Variants in LAMA5 observed in about 807,000 individuals in gnomAD.
LAMA5 encodes the protein laminin subunit alpha-5.
In LAMA5, 260 loss-of-function variants were observed where a neutral mutation model predicts 433.4. The observed-to-expected ratio is 0.60, with a 90% confidence interval of 0.54 to 0.66. The LOEUF (loss-of-function observed/expected upper bound fraction) is 0.66. Ranked by LOEUF, LAMA5 falls within the 30% of genes least tolerant of loss-of-function variation. The pLI, the probability that LAMA5 is intolerant of heterozygous loss-of-function variation, is 0.00. For synonymous variants in LAMA5, 2,620 were observed against 2,226.6 expected (o/e 1.18, Z -4.97); for missense variants, 5,378 against 5,258.5 (o/e 1.02, Z -0.70).
chr20:62,318,707 CT>C (rs752208120), intron 52 of LAMA5, 57 bp from the exon 53 acceptor site: 516 of 1,585,624 alleles, frequency 3.3e-4, no homozygotes, highest in Non-Finnish European at 3.6e-4. Flanking sequence ...TTCATGACCC[CT>C]GGTCTCCACT....
intron 20 of LAMA5, 137 bp from the exon 21 acceptor site, chr20:62,334,758 C>CGAGGGA: frequency 1.9e-6 from 1 of 519,438 alleles, no homozygotes; most frequent in East Asian, 3.1e-5. Context: ...GGGCTCAGGG[C>CGAGGGA]GAGGGCGAGG....
intron 48 of LAMA5, among the ~76,000 whole-genome samples, chr20:62,321,790 G>T (rs1164014414): frequency 3.4e-5 from 5 of 148,612 alleles, no homozygotes; most frequent in African/African-American, 1.2e-4. Flanking sequence ...AGCAGATGGG[G>T]TGGGGCCAGG....
chr20:62,319,236 T>G, intron 51 of LAMA5: 1 of 566,082 alleles, frequency 1.8e-6, no homozygotes, highest in East Asian at 3.0e-5. Context: ...GACACCAGTC[T>G]GCTCAGCCAG....
intron 35 of LAMA5, 110 bp downstream of exon 35, chr20:62,328,131 C>A: frequency 6.6e-7 from 1 of 1,515,864 alleles, no homozygotes; most frequent in South Asian, 1.2e-5. Context: ...GGCGCTGCTG[C>A]ACCCAGGGAG....
At chr20:62,357,871 C>G (rs572943848) in intron 2 of LAMA5, among the ~76,000 whole-genome samples, 191 of 152,294 alleles carry the variant, frequency 1.3e-3, no homozygotes, top group Non-Finnish European at 1.7e-3. Context: ...GATTCAGGGA[C>G]CCCAACCACT....
chr20:62,365,420 C>G (rs548508322), intron 1 of LAMA5, among the ~76,000 whole-genome samples: 3 of 152,350 alleles, frequency 2.0e-5, no homozygotes, highest in East Asian at 1.9e-4. Context: ...CCTTTACTCA[C>G]GAGACGGGGG....
intron 40 of LAMA5, 84 bp from the exon 41 acceptor site, chr20:62,325,630 G>A: frequency 2.3e-6 from 2 of 851,782 alleles, no homozygotes; most frequent in Non-Finnish European, 3.6e-6. Flanking sequence ...CAACCCTGTA[G>A]GGGATGGAGG....
chr20:62,334,835 C>T (rs557983932), intron 20 of LAMA5, among the ~76,000 whole-genome samples, 186 bp downstream of exon 20: 7 of 145,830 alleles, frequency 4.8e-5, no homozygotes, highest in Non-Finnish European at 9.3e-5. Context: ...GAGAGGAAGC[C>T]ACGCATCTGG....
intron 1 of LAMA5, among the ~76,000 whole-genome samples, chr20:62,365,714 C>T (rs1986646646): frequency 1.3e-5 from 2 of 152,192 alleles, no homozygotes; most frequent in African/African-American, 4.8e-5. Flanking sequence ...ACAGCTAACC[C>T]CCGCTGGACC....
chr20:62,319,429 C>A, intron 51 of LAMA5, among the ~76,000 whole-genome samples: 1 of 152,102 alleles, frequency 6.6e-6, no homozygotes, highest in East Asian at 1.9e-4. Context: ...TATCTGTGAG[C>A]GCGAACATCT....
Position 62,311,940 on chromosome 20 carries a change from G to A in LAMA5, c.9615C>T (p.Ala3205=). The A allele has an allele frequency of 6.2e-7, 1 of 1,612,172 alleles. No homozygotes were observed. Among genetic ancestry groups the A allele is most frequent in the Non-Finnish European group, 8.5e-7 (1 of 1,179,662 alleles). Residue 3205 remains alanine (A), a synonymous_variant, in exon 70 of 80, where the codon GCC becomes GCT. Coordinates refer to ENST00000252999, the MANE Select transcript of LAMA5 (RefSeq NM_005560.6). ...GFADGAPHYV[A]FYSNATGVWL... Reference sequence around the variant, plus strand: ...CTCACCCCGTGGCATTGCTGTAGAAGGCGACGTAATGGGGGGCACCATCGG... The same window carrying A: ...CTCACCCCGTGGCATTGCTGTAGAAAGCGACGTAATGGGGGGCACCATCGG...
In LAMA5 at chr20:62,314,811, C is replaced by T. The variant is rs781316426; in HGVS notation, c.8184G>A (p.Gly2728=). The T allele has an allele frequency of 5.6e-6, 9 of 1,612,916 alleles. No homozygotes were observed. Among genetic ancestry groups the T allele is most frequent in the South Asian group, 5.5e-5 (5 of 91,082 alleles). ...RVRELIAQAR[G]AASKVKVPMK... is the part of the protein sequence containing the mutation. ...GACTCTCACCCACCTTACTGGCAGC[C>T]CCCCGGGCCTGGGCAATGAGCTCTC... Residue 2728 remains glycine (G), a synonymous_variant, in exon 60 of 80, where the codon GGG becomes GGA. Transcript: ENST00000252999.
intron 40 of LAMA5, chr20:62,326,347 G>A (rs868502458): frequency 1.2e-5 from 3 of 253,866 alleles, no homozygotes; most frequent in African/African-American, 2.2e-5. Flanking sequence ...CTAAAAGGAT[G>A]GAAAAAGATT....
chr20:62,326,284 G>A (rs964907068), intron 40 of LAMA5, among the ~76,000 whole-genome samples: 1 of 151,536 alleles, frequency 6.6e-6, no homozygotes, highest in Non-Finnish European at 1.5e-5. Flanking sequence ...GGGAGAAGAC[G>A]GTTGTTACTC....
Position 62,312,765 on chromosome 20 carries a change from G to T in LAMA5, c.9094C>A (p.Leu3032Met), listed in dbSNP as rs762080901. The T allele has an allele frequency of 8.8e-6, 14 of 1,590,158 alleles. No homozygotes were observed. Among genetic ancestry groups the T allele is most frequent in the Middle Eastern group, 1.7e-4 (1 of 6,038 alleles). ...SASKAIQVFLLGGSRKRVLVR... is the reference protein window; with the variant it reads ...SASKAIQVFLMGGSRKRVLVR... ...AGCACACGCTTGCGGCTGCCCCCCA[G>T]CAGGAACACCTGGATCTACAGGACC... The change falls in exon 67 of 80, where the codon CTG becomes ATG. Residue 3032 changes from leucine (L) to methionine (M), a missense_variant. Leu to Met is a conservative substitution (Grantham distance 15). Coordinates refer to ENST00000252999, the MANE Select transcript of LAMA5 (RefSeq NM_005560.6).
chr20:62,310,243 G>C lies in LAMA5; in HGVS notation c.10669C>G (p.Leu3557Val). The C allele has an allele frequency of 6.2e-7, 1 of 1,612,530 alleles. No homozygotes were observed. Among genetic ancestry groups the C allele is most frequent in the Non-Finnish European group, 8.5e-7 (1 of 1,179,896 alleles). Residue 3557 changes from leucine (L) to valine (V), a missense_variant, in exon 77 of 80, where the codon CTG becomes GTG. Transcript: ENST00000252999. ...CGGGCCTGGCCCAAGTGGAAGATCA[G>C]TCCGGTGACTGCCAGGGGCCGCACC... ...LEVRPLAVTGLIFHLGQARTP... is the reference protein window; with the variant it reads ...LEVRPLAVTGVIFHLGQARTP...
chr20:62,336,772 G>C lies in LAMA5; in HGVS notation c.2179C>G (p.Pro727Ala). The C allele has an allele frequency of 3.7e-6, 6 of 1,612,860 alleles. No individual in the cohort carries two copies. The highest frequency in any genetic ancestry group is 5.1e-6 in the Non-Finnish European group (6 of 1,179,978). Residue 727 changes from proline to alanine, a missense_variant, in exon 17 of 80, where the codon CCT becomes GCT. Pro to Ala is a conservative substitution (Grantham distance 27). Coordinates refer to ENST00000252999, the MANE Select transcript of LAMA5 (RefSeq NM_005560.6). ...GGATCCACTGGGGCCAGACCGGCAG[G>C]GTGGCAAGAGCCAGCTGTGAAGAGA... ...FPYCEAGSCH[P>A]AGLAPVDPAL...
At position 62,329,912 on chromosome 20, in the gene LAMA5, G is replaced by A. The variant is rs368547226; in HGVS notation, c.3984C>T (p.His1328=). 1.9e-5 allele frequency: 31 copies of A among 1,611,100 alleles called. No individual in the cohort carries two copies. The highest frequency in any genetic ancestry group is 1.4e-4 in the South Asian group (13 of 90,942). ...CATGTGGACAGAAGCTGGCGTTGGC[G>A]TGGCCTGGGCGGGGGAGAAAGGCAG... ...LINAGRVWQG[H]ANASFCPHGY... The change falls in exon 32 of 80, where the codon CAC becomes CAT. Residue 1328 remains histidine (H), a synonymous_variant. Transcript: ENST00000252999.
chr20:62,366,090 C>T (rs1235651294), intron 1 of LAMA5, among the ~76,000 whole-genome samples: 1 of 152,238 alleles, frequency 6.6e-6, no homozygotes, highest in Non-Finnish European at 1.5e-5. Context: ...GGCCCCTAGA[C>T]TCTCCCTAAG....
Sources: allele counts gnomAD v4.1 joint callset (sites outside exome capture counted in the v4.1 genomes callset), GRCh38; gene constraint gnomAD v4.1.1; transcripts MANE v1.5; gene names NCBI Gene and HGNC (gene_info 2026-07-23, HGNC 2026-07-21).